Variants in TAF4B observed in about 807,000 individuals in gnomAD.
TAF4B encodes TATA-box binding protein associated factor 4b, also known as transcription initiation factor TFIID subunit 4B.
TAF4B carries 38 observed loss-of-function variants against 86.4 expected under a neutral mutation model. The ratio of observed to expected loss-of-function variants is 0.44; its 90% CI spans 0.34 to 0.58. TAF4B has a LOEUF of 0.58. Among genes scored for constraint, TAF4B ranks in the 20% least tolerant of loss-of-function variants. The pLI, the probability that TAF4B is intolerant of heterozygous loss-of-function variation, is 0.02. For synonymous variants in TAF4B, 388 were observed against 391.2 expected, an observed-to-expected ratio of 0.99 and a Z score of 0.10; for missense variants, 988 against 1,027.6, an observed-to-expected ratio of 0.96 and a Z score of 0.53.
chr18:26,285,090 C>A (rs2056494132), intron 6 of TAF4B, among the ~76,000 whole-genome samples: 1 of 151,588 alleles, frequency 6.6e-6, no homozygotes, highest in South Asian at 2.1e-4. Flanking sequence ...ACCTCAGCCC[C>A]TGCGGTAGCT....
chr18:26,323,202 C>T (rs1247195591), intron 11 of TAF4B, among the ~76,000 whole-genome samples: 1 of 152,142 alleles, frequency 6.6e-6, no homozygotes, highest in East Asian at 1.9e-4. Context: ...AATGTGTGTT[C>T]TGCTCTTGTT....
intron 1 of TAF4B, among the ~76,000 whole-genome samples, chr18:26,244,359 G>A (rs574783904): frequency 3.9e-5 from 6 of 152,350 alleles, no homozygotes; most frequent in South Asian, 2.1e-4. Context: ...TTCTGTGGGC[G>A]TGGGACCCTC....
chr18:26,338,890 C>T (rs938608562), intron 13 of TAF4B, among the ~76,000 whole-genome samples: 11 of 152,104 alleles, frequency 7.2e-5, no homozygotes, highest in African/African-American at 2.4e-4. Context: ...ATAAAAGCAT[C>T]AAATAATTTC....
chr18:26,354,483 G>A (rs2057270531), intron 13 of TAF4B, among the ~76,000 whole-genome samples: 1 of 152,186 alleles, frequency 6.6e-6, no homozygotes, highest in Admixed American at 6.5e-5. Flanking sequence ...TCAGATGTTG[G>A]ATGGAACAAA....
chr18:26,278,202 T>C (rs917810685), intron 5 of TAF4B, among the ~76,000 whole-genome samples: 4 of 152,252 alleles, frequency 2.6e-5, no homozygotes, highest in Non-Finnish European at 5.9e-5. Context: ...TATTTTGTTA[T>C]ATACAATATT....
intron 12 of TAF4B, among the ~76,000 whole-genome samples, chr18:26,329,009 C>T (rs2057029944): frequency 6.6e-6 from 1 of 151,922 alleles, no homozygotes; most frequent in South Asian, 2.1e-4. Flanking sequence ...TTCCTCTCTT[C>T]CTCCCTTTCT....
intron 9 of TAF4B, among the ~76,000 whole-genome samples, chr18:26,309,945 C>T (rs943183010): frequency 1.3e-5 from 2 of 152,314 alleles, no homozygotes; most frequent in African/African-American, 4.8e-5. Context: ...CTGCCTCAGC[C>T]TCCCGAGTAG....
chr18:26,333,549 C>T (rs2057068057), intron 12 of TAF4B, among the ~76,000 whole-genome samples: 1 of 152,110 alleles, frequency 6.6e-6, no homozygotes, highest in Non-Finnish European at 1.5e-5. Context: ...GTCACTATGC[C>T]TGGCTAATTT....
In TAF4B at chr18:26,344,793, A is replaced by C. The variant is rs557509351; in HGVS notation, c.2316+9562A>C. 7.4e-5 allele frequency among the ~76,000 whole-genome samples: 11 copies of C among 149,610 alleles called. No individual in the cohort carries two copies. The South Asian group carries it at 2.3e-3, about 31-fold the overall frequency. ...GAATAAACAGATAGGATTTGACTAG[A>C]ATGTCAGAGAGAGCGCTGGAGTGTG... On this transcript the variant is annotated intron_variant, in intron 13 of 14. Coordinates refer to ENST00000269142, the MANE Select transcript of TAF4B (RefSeq NM_005640.3).
intron 1 of TAF4B, among the ~76,000 whole-genome samples, chr18:26,249,620 C>G (rs1479805089): frequency 6.6e-6 from 1 of 152,200 alleles, no homozygotes; most frequent in Non-Finnish European, 1.5e-5. Context: ...CACACGTTCT[C>G]TATTTTTCAC....
At chr18:26,228,227 C>T (rs1307029561) in intron 1 of TAF4B, among the ~76,000 whole-genome samples, 1 of 152,070 alleles carries the variant, frequency 6.6e-6, no homozygotes, top group Non-Finnish European at 1.5e-5. Flanking sequence ...AGTTTGCTTT[C>T]TGTTAATTTT....
chr18:26,237,187 T>A (rs910498422), intron 1 of TAF4B, among the ~76,000 whole-genome samples: 4 of 152,212 alleles, frequency 2.6e-5, no homozygotes, highest in Non-Finnish European at 5.9e-5. Context: ...TTGGCTGTTA[T>A]TCTGTCATTT....
At chr18:26,292,056 T>C (rs1019382088) in intron 7 of TAF4B, among the ~76,000 whole-genome samples, 190 bp from the exon 8 acceptor site, 2 of 152,248 alleles carry the variant, frequency 1.3e-5, no homozygotes, top group African/African-American at 2.4e-5. Context: ...AAATAATGTA[T>C]GTGAGATAGT....
intron 5 of TAF4B, among the ~76,000 whole-genome samples, chr18:26,277,686 G>A (rs1322922131): frequency 1.3e-5 from 2 of 152,116 alleles, no homozygotes; most frequent in Admixed American, 6.5e-5. Context: ...AGATCATGGT[G>A]GATATTCTTT....
At chr18:26,299,178 T>TA (rs2056701723) in intron 9 of TAF4B, among the ~76,000 whole-genome samples, 2 of 151,462 alleles carry the variant, frequency 1.3e-5, no homozygotes, top group Non-Finnish European at 2.9e-5. Context: ...TTTTCTTTTT[T>TA]AAGGCACAGT....
chr18:26,345,286 C>T (rs1458980615), intron 13 of TAF4B, among the ~76,000 whole-genome samples: 1 of 152,220 alleles, frequency 6.6e-6, no homozygotes, highest in African/African-American at 2.4e-5. Context: ...CCAAGCCATC[C>T]TCACCAGACA....
intron 1 of TAF4B, among the ~76,000 whole-genome samples, chr18:26,229,788 C>A (rs575831304): frequency 6.6e-6 from 1 of 152,242 alleles, no homozygotes; most frequent in East Asian, 1.9e-4. Flanking sequence ...CAGGCGTTAG[C>A]CACTGCGCTG....
chr18:26,360,741 A>G (rs958273624), intron 14 of TAF4B, among the ~76,000 whole-genome samples: 2 of 152,186 alleles, frequency 1.3e-5, no homozygotes, highest in Non-Finnish European at 2.9e-5. Flanking sequence ...CTGATTTTAA[A>G]TGCTACCTTT....
chr18:26,315,651 T>C (rs2056903695), intron 10 of TAF4B, among the ~76,000 whole-genome samples: 2 of 152,204 alleles, frequency 1.3e-5, no homozygotes, highest in African/African-American at 2.4e-5. Context: ...TATTTTTGCA[T>C]GAATATATAA....
Sources: gnomAD v4.1 joint callset for allele counts (sites outside exome capture counted in the v4.1 genomes callset) on GRCh38, gnomAD v4.1.1 for gene constraint, MANE v1.5 for transcripts, NCBI Gene and HGNC (gene_info 2026-07-23, HGNC 2026-07-21) for gene names.